RPH3AL: variants seen among roughly 807,000 people sequenced by gnomAD.
RPH3AL encodes rabphilin 3A like (without C2 domains).
A neutral mutation model predicts 43.1 loss-of-function variants in RPH3AL; 38 were observed. The ratio of observed to expected loss-of-function variants is 0.88; its 90% CI spans 0.68 to 1.15. The LOEUF (loss-of-function observed/expected upper bound fraction) is 1.15, where lower values mean the gene tolerates loss of function less well. RPH3AL is among the 50% of genes most tolerant of loss of function. The pLI is 0.00. For missense variants in RPH3AL, 462 were observed against 423.2 expected (o/e 1.09, Z -0.81); for synonymous variants, 189 against 176.3 (o/e 1.07, Z -0.57).
chr17:278,065 C>T (rs908270115), intron 6 of RPH3AL, among the ~76,000 whole-genome samples: 1 of 152,162 alleles, frequency 6.6e-6, no homozygotes, highest in Non-Finnish European at 1.5e-5. Context: ...TACAGTTTGG[C>T]TGTGTCCCCA....
At chr17:311,929 GAGA>G (rs1735295240) in intron 5 of RPH3AL, among the ~76,000 whole-genome samples, 1 of 152,196 alleles carries the variant, frequency 6.6e-6, no homozygotes, top group Non-Finnish European at 1.5e-5. Context: ...TGTATTTGGA[GAGA>G]AGGTCTTTAG....
Position 333,668 on chromosome 17 carries a change from C to T in RPH3AL, c.-37+91G>A, listed in dbSNP as rs961138900. 13 of 183,612 alleles carry T rather than the reference C, an allele frequency of 7.1e-5. No homozygotes were observed. In the South Asian group the frequency reaches 1.4e-3, roughly 20 times the overall value. 11.4% of individuals were successfully genotyped at this position (183,612 alleles called of 1,614,324 possible). A position where few individuals can be genotyped will look rare whatever the true frequency, so the allele number is the denominator to read the frequency against. The stretch of plus-strand genomic sequence containing the variant: ...CGATTATATGCAGCACTGAAATGGA[C>T]ATCCTGGCAGATAAATCTCTGACGA... On this transcript the variant is annotated intron_variant, in intron 2 of 9. Coordinates refer to ENST00000331302, the MANE Select transcript of RPH3AL (RefSeq NM_006987.4). The surrounding 1 kb of genome is among the most constrained non-coding windows in gnomAD (Gnocchi z 4.5).
intron 5 of RPH3AL, among the ~76,000 whole-genome samples, chr17:314,406 G>A (rs73284681): frequency 0.027 from 3,549 of 132,358 alleles, 131 homozygotes; most frequent in African/African-American, 0.11. Context: ...AAGTCTCTGT[G>A]CCCCACCTCC....
At chr17:262,390 A>G (rs1057346120) in intron 6 of RPH3AL, among the ~76,000 whole-genome samples, 3 of 151,990 alleles carry the variant, frequency 2.0e-5, no homozygotes, top group African/African-American at 2.4e-5. Context: ...TAATTTTTGT[A>G]TTTTTAGTAG....
intron 8 of RPH3AL, among the ~76,000 whole-genome samples, chr17:216,495 G>C (rs940030620): frequency 6.6e-6 from 1 of 152,136 alleles, no homozygotes; most frequent in African/African-American, 2.4e-5. Flanking sequence ...CTGGCCAAGA[G>C]AGCAGACGTG....
Position 213,002 on chromosome 17 carries a change from C to T in RPH3AL, c.*850G>A, listed in dbSNP as rs2040709980. 1 of 152,038 alleles carries T rather than the reference C, an allele frequency of 6.6e-6. No individual in the cohort carries two copies. The highest frequency in any genetic ancestry group is 2.4e-5 in the African/African-American group (1 of 41,360). The allele number at this position is 152,038 out of a possible 1,614,324, so 9.4% of individuals were successfully genotyped here. ...GGTGCGGTGGCTCACACCTGTAATCCCAGCACTTTGGGAGGCCGAGGCGGG... is the reference window on the plus strand; with the variant it reads ...GGTGCGGTGGCTCACACCTGTAATCTCAGCACTTTGGGAGGCCGAGGCGGG... On this transcript the variant is annotated 3_prime_UTR_variant, in exon 10 of 10. Coordinates refer to ENST00000331302, the MANE Select transcript of RPH3AL (RefSeq NM_006987.4).
Position 280,345 on chromosome 17 carries a change from A to G in RPH3AL, c.438+1423T>C, listed in dbSNP as rs1302372444. 2.0e-5 allele frequency among the ~76,000 whole-genome samples: 3 copies of G among 152,158 alleles called. No homozygotes were observed. The East Asian group carries it at 5.8e-4, about 29-fold the overall frequency. On this transcript the variant is annotated intron_variant, in intron 6 of 9. Transcript: ENST00000331302. ...GAAAACAGCAGGGACCTGCCCCGGGACTATAACATACATAAGGAAATGAGC... is the reference window on the plus strand; with the variant it reads ...GAAAACAGCAGGGACCTGCCCCGGGGCTATAACATACATAAGGAAATGAGC...
At position 246,712 on chromosome 17, in the gene RPH3AL, C is replaced by T. The variant is rs79562515; in HGVS notation, c.613+399G>A. 2.9e-4 allele frequency among the ~76,000 whole-genome samples: 44 copies of T among 152,200 alleles called. 2 individuals are homozygous for T. The East Asian group carries it at 6.8e-3, about 23-fold the overall frequency. ...AGGGAAGCCAGGAGTCCTCCCTTACCGAGACACAAGGCAAGTGCCAGGAAG... is the reference window on the plus strand; with the variant it reads ...AGGGAAGCCAGGAGTCCTCCCTTACTGAGACACAAGGCAAGTGCCAGGAAG... On this transcript the variant is annotated intron_variant, in intron 7 of 9. Coordinates refer to ENST00000331302, the MANE Select transcript of RPH3AL (RefSeq NM_006987.4). The surrounding 1 kb of genome is among the most constrained non-coding windows in gnomAD (Gnocchi z 4.8).
At chr17:288,701 ACCCTCTCT>A (rs2042975515) in intron 5 of RPH3AL, among the ~76,000 whole-genome samples, 3 of 498 alleles carry the variant, frequency 6.0e-3, no homozygotes, top group East Asian at 0.056. Context: ...CAGACCTCGC[ACCCTCTCT>A]CTCCACCGTC....
chr17:337,100 G>A (rs894379570), intron 1 of RPH3AL, among the ~76,000 whole-genome samples: 1 of 149,308 alleles, frequency 6.7e-6, no homozygotes, highest in East Asian at 2.0e-4. Flanking sequence ...CTGGAACTAC[G>A]TACATCGGTT....
intron 5 of RPH3AL, among the ~76,000 whole-genome samples, chr17:301,245 G>C (rs1213081890): frequency 1.3e-5 from 2 of 152,248 alleles, no homozygotes; most frequent in African/African-American, 4.8e-5. Context: ...ACCTTCCTTT[G>C]GGGTCTCCTG....
At chr17:263,933 G>A (rs1555547127) in intron 6 of RPH3AL, among the ~76,000 whole-genome samples, 1 of 152,172 alleles carries the variant, frequency 6.6e-6, no homozygotes. Context: ...GGGAACCAAA[G>A]TTTCACTGCA....
At chr17:284,307 G>T (rs1567613280) in intron 5 of RPH3AL, among the ~76,000 whole-genome samples, 1 of 152,186 alleles carries the variant, frequency 6.6e-6, no homozygotes, top group African/African-American at 2.4e-5. Context: ...AGGTCACACA[G>T]CTCGTTCACG....
intron 7 of RPH3AL, among the ~76,000 whole-genome samples, chr17:222,708 A>G (rs962364473): frequency 2.0e-5 from 3 of 152,212 alleles, no homozygotes; most frequent in Admixed American, 6.5e-5. Flanking sequence ...TCTCAGGTAT[A>G]AACTGCACCC....
chr17:344,230 ACT>A (rs1009509676), intron 1 of RPH3AL, among the ~76,000 whole-genome samples: 7 of 130,174 alleles, frequency 5.4e-5, no homozygotes, highest in Non-Finnish European at 1.0e-4. Flanking sequence ...CATCACCATC[ACT>A]GTTACATCAT....
chr17:315,941 T>A (rs796075855), intron 5 of RPH3AL, among the ~76,000 whole-genome samples: 1 of 92,822 alleles, frequency 1.1e-5, no homozygotes, highest in Non-Finnish European at 2.3e-5. Flanking sequence ...CCCACCTCCA[T>A]TGACCTGTAG....
chr17:251,768 G>A (rs548290604), intron 6 of RPH3AL, among the ~76,000 whole-genome samples: 4 of 152,202 alleles, frequency 2.6e-5, no homozygotes, highest in African/African-American at 9.6e-5. Context: ...CCAAGGGCTC[G>A]CTACGCCTCC....
At chr17:221,794 A>T (rs62059576) in intron 7 of RPH3AL, among the ~76,000 whole-genome samples, 1 of 46,902 alleles carries the variant, frequency 2.1e-5, no homozygotes, top group Non-Finnish European at 5.5e-5. Context: ...GAGACAATAG[A>T]CCCAAGCACA....
intron 6 of RPH3AL, among the ~76,000 whole-genome samples, chr17:262,315 T>C (rs1363524981): frequency 6.6e-6 from 1 of 151,930 alleles, no homozygotes; most frequent in Admixed American, 6.6e-5. Context: ...GCCTCCCGGG[T>C]TCAAGCAATT....
Sources: allele counts gnomAD v4.1 joint callset (sites outside exome capture counted in the v4.1 genomes callset), GRCh38; gene constraint gnomAD v4.1.1; non-coding constraint Gnocchi (gnomAD v3.1); transcripts MANE v1.5; gene names NCBI Gene and HGNC (gene_info 2026-07-23, HGNC 2026-07-21).